Variants in BBX observed in about 807,000 individuals in gnomAD.
The protein encoded by BBX is HMG box transcription factor BBX.
A neutral mutation model predicts 100.2 loss-of-function variants in BBX; 30 were observed. The ratio of observed to expected loss-of-function variants is 0.30; its 90% CI spans 0.22 to 0.41. BBX has a LOEUF of 0.41. BBX is among the 10% of genes least tolerant of loss of function. The probability of loss-of-function intolerance (pLI) is 1.00; values close to 1 mark genes in which losing one functional copy is unlikely to be tolerated. For missense variants in BBX, 1,023 were observed against 1,129.8 expected (o/e 0.91, Z 1.35); for synonymous variants, 376 against 388.1 (o/e 0.97, Z 0.37).
At position 107,710,610 on chromosome 3, in the gene BBX, G is replaced by A. The variant is rs1481578138; in HGVS notation, c.150G>A (p.Glu50=). 2 of 1,610,342 alleles carry A rather than the reference G, an allele frequency of 1.2e-6. No individual in the cohort carries two copies. Among genetic ancestry groups the A allele is most frequent in the East Asian group, 2.2e-5 (1 of 44,570 alleles). ...AGGAAGAAGAGGAAGACGAAGAGGA[G>A]GATATTGATAAGGTAAGTCCTATAT... ...SEEEEEEDEE[E]DIDKVQLLGA... is the part of the protein sequence containing the mutation. The change falls in exon 4 of 18, where the codon GAG becomes GAA. Residue 50 remains glutamate (E), a synonymous_variant. Transcript: ENST00000325805.
At chr3:107,691,187 CATG>C (rs2060149759) in intron 3 of BBX, among the ~76,000 whole-genome samples, 1 of 152,062 alleles carries the variant, frequency 6.6e-6, no homozygotes, top group South Asian at 2.1e-4. Flanking sequence ...GGATTACAGA[CATG>C]AGCCATGGCA....
chr3:107,578,402 G>A (rs1043304893), intron 2 of BBX, among the ~76,000 whole-genome samples: 21 of 140,214 alleles, frequency 1.5e-4, no homozygotes, highest in African/African-American at 4.2e-4. Flanking sequence ...CAGTGAGGAC[G>A]CAGACTTGAC....
intron 2 of BBX, among the ~76,000 whole-genome samples, chr3:107,553,076 G>A (rs746450952): frequency 4.6e-5 from 7 of 152,122 alleles, no homozygotes; most frequent in African/African-American, 7.2e-5. Context: ...TAAATTTGCT[G>A]AGTTTGAATG....
chr3:107,592,662 G>C (rs1446766946), intron 2 of BBX, among the ~76,000 whole-genome samples: 1 of 152,132 alleles, frequency 6.6e-6, no homozygotes, highest in Admixed American at 6.5e-5. Flanking sequence ...GATAAAAGGG[G>C]CATGTGCAAT....
intron 2 of BBX, among the ~76,000 whole-genome samples, chr3:107,544,228 T>G (rs1303761236): frequency 6.6e-6 from 1 of 152,202 alleles, no homozygotes; most frequent in Non-Finnish European, 1.5e-5. Flanking sequence ...TCTGCTCCTT[T>G]GTGTAAATGA....
intron 2 of BBX, among the ~76,000 whole-genome samples, chr3:107,532,088 G>A (rs188084147): frequency 1.3e-5 from 2 of 152,042 alleles, no homozygotes; most frequent in South Asian, 2.1e-4. Flanking sequence ...CCAGCTACTC[G>A]GAGGCTGAGG....
At chr3:107,659,839 T>G in intron 3 of BBX, 1 of 963,990 alleles carries the variant, frequency 1.0e-6, no homozygotes, top group Non-Finnish European at 1.4e-6. Context: ...TAGAAATGCA[T>G]CAGTTCCTAG....
chr3:107,691,921 C>G (rs1024432241), intron 3 of BBX, among the ~76,000 whole-genome samples: 1 of 151,946 alleles, frequency 6.6e-6, no homozygotes, highest in Non-Finnish European at 1.5e-5. Context: ...TCTTTTTTTG[C>G]TTTTGAGAAA....
chr3:107,625,920 A>G lies in BBX; in HGVS notation c.-83-19916A>G, dbSNP rs143462838. ...TGACAAATAATAATCGTATTTTTTC[A>G]TGGGGTACATAGTGATGTTTTCATA... On this transcript the variant is annotated intron_variant, in intron 2 of 17. Coordinates refer to ENST00000325805, the MANE Select transcript of BBX (RefSeq NM_001142568.3). 2.6e-4 allele frequency among the ~76,000 whole-genome samples: 40 copies of G among 152,158 alleles called. No individual in the cohort carries two copies. In the East Asian group the frequency reaches 7.1e-3, roughly 27 times the overall value.
chr3:107,598,601 A>C (rs1032036248), intron 2 of BBX, among the ~76,000 whole-genome samples: 1 of 152,244 alleles, frequency 6.6e-6, no homozygotes, highest in Non-Finnish European at 1.5e-5. Flanking sequence ...AAAAGACTGC[A>C]GATATAATTT....
chr3:107,757,188 C>T (rs2065547636), intron 10 of BBX, among the ~76,000 whole-genome samples: 1 of 151,704 alleles, frequency 6.6e-6, no homozygotes, highest in African/African-American at 2.4e-5. Context: ...TGATATTTAC[C>T]TTTAAACAGT....
intron 2 of BBX, among the ~76,000 whole-genome samples, chr3:107,619,910 T>A (rs2107685129): frequency 6.6e-6 from 1 of 152,260 alleles, no homozygotes; most frequent in African/African-American, 2.4e-5. Context: ...GACTATGTTG[T>A]GTCTTGGTAT....
At chr3:107,745,404 T>C (rs1365834802) in intron 8 of BBX, among the ~76,000 whole-genome samples, 1 of 152,196 alleles carries the variant, frequency 6.6e-6, no homozygotes, top group Non-Finnish European at 1.5e-5. Context: ...TTCACCACTG[T>C]CATCCTTCCT....
chr3:107,569,295 C>T (rs1202528638), intron 2 of BBX, among the ~76,000 whole-genome samples: 5 of 152,166 alleles, frequency 3.3e-5, no homozygotes, highest in African/African-American at 1.2e-4. Flanking sequence ...ATATTGATAT[C>T]TCAAACTTAC....
At chr3:107,616,561 T>G (rs541950872) in intron 2 of BBX, among the ~76,000 whole-genome samples, 109 of 152,234 alleles carry the variant, frequency 7.2e-4, no homozygotes, top group East Asian at 1.7e-3. Flanking sequence ...CTATCGTTTT[T>G]TGTGTGTGTG....
At chr3:107,768,380 G>T (rs2066567829) in intron 10 of BBX, among the ~76,000 whole-genome samples, 1 of 152,106 alleles carries the variant, frequency 6.6e-6, no homozygotes, top group Admixed American at 6.5e-5. Flanking sequence ...ATTTCAAATG[G>T]ATTAGAAAAA....
intron 2 of BBX, among the ~76,000 whole-genome samples, chr3:107,527,145 G>C (rs1224622402): frequency 1.3e-5 from 2 of 152,196 alleles, no homozygotes; most frequent in Non-Finnish European, 2.9e-5. Flanking sequence ...GTGTGGGTAA[G>C]AACTGAGGGT....
At chr3:107,600,044 G>A (rs2053957734) in intron 2 of BBX, among the ~76,000 whole-genome samples, 1 of 152,270 alleles carries the variant, frequency 6.6e-6, no homozygotes, top group Admixed American at 6.5e-5. Flanking sequence ...AAGTTTTAAA[G>A]TTTTTAGAGG....
intron 2 of BBX, among the ~76,000 whole-genome samples, chr3:107,550,405 G>A (rs1296408802): frequency 6.6e-6 from 1 of 152,180 alleles, no homozygotes; most frequent in Non-Finnish European, 1.5e-5. Context: ...CCTTGGAGTT[G>A]AATGGGATTT....
Sources: allele counts gnomAD v4.1 joint callset (sites outside exome capture counted in the v4.1 genomes callset), GRCh38; gene constraint gnomAD v4.1.1; transcripts MANE v1.5; gene names NCBI Gene and HGNC (gene_info 2026-07-23, HGNC 2026-07-21).